The following PLS1 variants were observed in gnomAD, a reference collection of about 807,000 sequenced individuals.
PLS1 encodes the protein plastin-1.
Under a neutral mutation model 73.7 loss-of-function variants are expected in PLS1, and 32 were observed. That is an observed-to-expected ratio of 0.43 (90% CI 0.33 to 0.58). PLS1 has a LOEUF of 0.58. Among genes scored for constraint, PLS1 ranks in the 20% least tolerant of loss-of-function variants. PLS1 has a pLI of 0.04. For synonymous variants in PLS1, 217 were observed against 261.3 expected (o/e 0.83, Z 1.63); for missense variants, 633 against 740.5 (o/e 0.85, Z 1.68).
chr3:142,698,853 G>A (rs2107938428), intron 12 of PLS1, among the ~76,000 whole-genome samples: 1 of 152,166 alleles, frequency 6.6e-6, no homozygotes, highest in African/African-American at 2.4e-5. Flanking sequence ...AAATCAGAAA[G>A]ACACAAAGTT....
At chr3:142,681,726 A>G (rs1472812261) in intron 6 of PLS1, among the ~76,000 whole-genome samples, 1 of 152,168 alleles carries the variant, frequency 6.6e-6, no homozygotes, top group African/African-American at 2.4e-5. Flanking sequence ...CAACTTCTCC[A>G]TGGGGTTCTC....
chr3:142,670,507 G>T (rs1220842159), intron 3 of PLS1, among the ~76,000 whole-genome samples: 1 of 152,224 alleles, frequency 6.6e-6, no homozygotes, highest in East Asian at 1.9e-4. Flanking sequence ...TCACTTTGCT[G>T]CAAGCAGAAC....
At chr3:142,653,979 T>C (rs1435018740) in intron 1 of PLS1, among the ~76,000 whole-genome samples, 1 of 152,222 alleles carries the variant, frequency 6.6e-6, no homozygotes, top group African/African-American at 2.4e-5. Context: ...ATAGGATTTA[T>C]TTGTTGAATA....
At chr3:142,666,417 A>C (rs902764095) in intron 2 of PLS1, among the ~76,000 whole-genome samples, 9 of 152,192 alleles carry the variant, frequency 5.9e-5, no homozygotes, top group Non-Finnish European at 1.2e-4. Context: ...TGACTGGCTT[A>C]TTTCACTTAG....
At chr3:142,631,771 G>T (rs2036571082) in intron 1 of PLS1, among the ~76,000 whole-genome samples, 1 of 142,210 alleles carries the variant, frequency 7.0e-6, no homozygotes, top group South Asian at 2.3e-4. Flanking sequence ...ACTCTTAGAA[G>T]AAAACATTGG....
intron 14 of PLS1, 124 bp downstream of exon 14, chr3:142,704,710 G>A (rs963749598): frequency 1.3e-5 from 6 of 449,236 alleles, no homozygotes; most frequent in Admixed American, 8.4e-5. Flanking sequence ...GTGCAGTGGC[G>A]CGATCTTGGC....
intron 1 of PLS1, among the ~76,000 whole-genome samples, chr3:142,651,517 G>T (rs1436487916): frequency 4.0e-5 from 6 of 151,226 alleles, no homozygotes; most frequent in African/African-American, 1.5e-4. Flanking sequence ...GAGACAAGGG[G>T]GGTCTCACTG....
intron 4 of PLS1, 40 bp downstream of exon 4, chr3:142,671,162 T>A: frequency 1.3e-6 from 2 of 1,545,278 alleles, no homozygotes; most frequent in Non-Finnish European, 1.8e-6. Flanking sequence ...AGTCACTGAT[T>A]CATTGATTAA....
intron 1 of PLS1, among the ~76,000 whole-genome samples, chr3:142,627,115 T>C (rs2036445861): frequency 6.6e-6 from 1 of 152,222 alleles, no homozygotes; most frequent in Non-Finnish European, 1.5e-5. Context: ...ATTTACTTCC[T>C]ACACTCTGGT....
chr3:142,664,504 A>G (rs1019292522), intron 2 of PLS1, among the ~76,000 whole-genome samples, 197 bp downstream of exon 2: 6 of 152,146 alleles, frequency 3.9e-5, no homozygotes, highest in African/African-American at 1.4e-4. Flanking sequence ...GGTGAATTGG[A>G]CTTTGAATTC....
At chr3:142,700,746 T>C (rs1434428107) in intron 12 of PLS1, among the ~76,000 whole-genome samples, 1 of 152,230 alleles carries the variant, frequency 6.6e-6, no homozygotes, top group Non-Finnish European at 1.5e-5. Flanking sequence ...GTAATTGATA[T>C]GGTTTGGCTG....
At chr3:142,599,769 T>C (rs990789879) in intron 1 of PLS1, among the ~76,000 whole-genome samples, 2 of 148,220 alleles carry the variant, frequency 1.3e-5, no homozygotes, top group Admixed American at 1.3e-4. Context: ...TTTATTTATT[T>C]TTTGAGACAG....
chr3:142,619,725 G>A lies in PLS1; in HGVS notation c.-37+23216G>A, dbSNP rs534697697. On this transcript the variant is annotated intron_variant, in intron 1 of 15. Transcript: ENST00000457734. ...TCTTTATACCAAAAGTCTGCAAGAT[G>A]TGTGTATGTATTGTGTCCTTAGAAT... 3 of 152,324 alleles carry A rather than the reference G, an allele frequency of 2.0e-5. No homozygotes were observed. In the East Asian group the frequency reaches 5.8e-4, roughly 29 times the overall value. The allele number at this position is 152,324 out of a possible 1,614,324, so 9.4% of individuals were successfully genotyped here.
At chr3:142,653,454 G>A (rs879738224) in intron 1 of PLS1, among the ~76,000 whole-genome samples, 1 of 148,478 alleles carries the variant, frequency 6.7e-6, no homozygotes, top group Non-Finnish European at 1.5e-5. Flanking sequence ...CACACCTCCC[G>A]TGCTCAAGCG....
chr3:142,646,957 T>C (rs537224342), intron 1 of PLS1, among the ~76,000 whole-genome samples: 1 of 152,318 alleles, frequency 6.6e-6, no homozygotes, highest in South Asian at 2.1e-4. Flanking sequence ...AAGCATGGCT[T>C]GGAGGGAGTG....
At chr3:142,651,477 A>C (rs928090218) in intron 1 of PLS1, among the ~76,000 whole-genome samples, 2 of 151,400 alleles carry the variant, frequency 1.3e-5, no homozygotes, top group Admixed American at 6.6e-5. Context: ...AAAAAAAAAA[A>C]AAAAAAAAAA....
At chr3:142,606,488 G>A (rs572550068) in intron 1 of PLS1, among the ~76,000 whole-genome samples, 1 of 152,274 alleles carries the variant, frequency 6.6e-6, no homozygotes, top group South Asian at 2.1e-4. Flanking sequence ...GGCTGTGACA[G>A]TTTCTCAGAC....
intron 1 of PLS1, 117 bp from the exon 2 acceptor site, chr3:142,664,085 G>T: frequency 2.2e-6 from 1 of 447,902 alleles, no homozygotes; most frequent in Non-Finnish European, 4.0e-6. Context: ...TTTGTTCTTT[G>T]TCAGCCAGAT....
In PLS1 at chr3:142,596,430, G is replaced by C. The variant is rs1201984499; in HGVS notation, c.-116G>C. ...GCAGCGGCTACGCGGGCGCGGAGAG[G>C]TAGCCGCAGAGTGGACCTGCAGGTA... On this transcript the variant is annotated 5_prime_UTR_variant, in exon 1 of 16. Transcript: ENST00000457734. 1 of 152,364 alleles carries C rather than the reference G, an allele frequency of 6.6e-6. No individual in the cohort carries two copies. The highest frequency in any genetic ancestry group is 2.4e-5 in the African/African-American group (1 of 41,480). The allele number at this position is 152,364 out of a possible 1,614,324, so 9.4% of individuals were successfully genotyped here.
Sources: gnomAD v4.1 joint callset for allele counts (sites outside exome capture counted in the v4.1 genomes callset) on GRCh38, gnomAD v4.1.1 for gene constraint, MANE v1.5 for transcripts, NCBI Gene and HGNC (gene_info 2026-07-23, HGNC 2026-07-21) for gene names.